Variants in CACNA1A observed in about 807,000 individuals in gnomAD.
CACNA1A encodes voltage-dependent P/Q-type calcium channel subunit alpha-1A.
CACNA1A carries 57 observed loss-of-function variants against 262.4 expected under a neutral mutation model. The observed-to-expected ratio is 0.22, with a 90% CI of 0.18 to 0.27. CACNA1A has a LOEUF of 0.27. Among genes scored for constraint, CACNA1A ranks in the 10% least tolerant of loss-of-function variants. CACNA1A has a pLI of 1.00. For missense variants in CACNA1A, 2,526 were observed against 3,562.8 expected (o/e 0.71, Z 7.41); for synonymous variants, 1,431 against 1,419.3 (o/e 1.01, Z -0.18).
intron 3 of CACNA1A, among the ~76,000 whole-genome samples, chr19:13,409,442 C>T (rs1012117000): frequency 1.3e-5 from 2 of 152,024 alleles, no homozygotes; most frequent in African/African-American, 2.4e-5. Flanking sequence ...AGTACAAATA[C>T]GCCAGGCACT....
At chr19:13,402,845 CACAT>C (rs1487765997) in intron 3 of CACNA1A, among the ~76,000 whole-genome samples, 1 of 109,018 alleles carries the variant, frequency 9.2e-6, no homozygotes, top group African/African-American at 3.5e-5. Flanking sequence ...CATATATATA[CACAT>C]ATATATATAC....
intron 3 of CACNA1A, among the ~76,000 whole-genome samples, chr19:13,423,164 T>C (rs955827842): frequency 3.3e-5 from 5 of 152,194 alleles, no homozygotes; most frequent in African/African-American, 1.2e-4. Flanking sequence ...CTTTCAGATG[T>C]CCTACCTGCT....
At chr19:13,226,767 G>C (rs1251873452) in intron 37 of CACNA1A, among the ~76,000 whole-genome samples, 1 of 152,226 alleles carries the variant, frequency 6.6e-6, no homozygotes, top group Non-Finnish European at 1.5e-5. Context: ...CCACCGTCCA[G>C]GGGTCCAGCT....
chr19:13,376,551 A>AAT lies in CACNA1A; in HGVS notation c.540-4774_540-4773dup, dbSNP rs1330034626. Among the ~76,000 whole-genome samples the AAT allele has an allele frequency of 4.7e-5, 7 of 149,404 alleles. No individual in the cohort carries two copies. The Admixed American group carries it at 4.7e-4, about 10-fold the overall frequency. On this transcript the variant is annotated intron_variant, in intron 3 of 46. Coordinates refer to ENST00000360228, the MANE Select transcript of CACNA1A (RefSeq NM_001127222.2). Reference sequence around the variant, plus strand: ...TCTACTCAGAAAAAAATATATATATAATATATAACACATAATATATGTTAT... The same window carrying AAT: ...TCTACTCAGAAAAAAATATATATATAATATATATAACACATAATATATGTTAT...
intron 16 of CACNA1A, 60 bp from the exon 17 acceptor site, chr19:13,303,673 A>G (rs1173045904): frequency 1.3e-5 from 20 of 1,576,476 alleles, no homozygotes; most frequent in Non-Finnish European, 2.6e-6. Context: ...GGCCCTGGGT[A>G]TCTGGGTCTC....
Position 13,259,658 on chromosome 19 carries a change from C to T in CACNA1A, c.4294G>A (p.Asp1432Asn). 1 of 1,610,984 alleles carries T rather than the reference C, an allele frequency of 6.2e-7. No homozygotes were observed. Among genetic ancestry groups the T allele is most frequent in the Non-Finnish European group, 8.5e-7 (1 of 1,178,598 alleles). Reference sequence around the variant, plus strand: ...AATTCATACTTCTTCCACTCCCGGTCTCGCGCCTTCACCTCATTCTTCTCG... The same window carrying T: ...AATTCATACTTCTTCCACTCCCGGTTTCGCGCCTTCACCTCATTCTTCTCG... The part of the protein sequence containing the change: ...LYEKNEVKAR[D>N]REWKKYEFHY... The change falls in exon 27 of 47, where the codon GAC becomes AAC. Residue 1432 changes from aspartate (D) to asparagine (N), a missense_variant. This residue lies in a region of CACNA1A where 137 missense variants were observed against 377.7 expected (regional missense o/e 0.36). Transcript: ENST00000360228.
At chr19:13,225,009 C>A in intron 37 of CACNA1A, 1 of 453,142 alleles carries the variant, frequency 2.2e-6, no homozygotes, top group Non-Finnish European at 4.0e-6. Flanking sequence ...TTTCCCCCAC[C>A]TGCTTGACCT....
At chr19:13,322,371 C>G (rs1028506495) in intron 10 of CACNA1A, among the ~76,000 whole-genome samples, 9 of 152,158 alleles carry the variant, frequency 5.9e-5, no homozygotes, top group Non-Finnish European at 1.3e-4. Context: ...CTAAAACCTT[C>G]TGAGGGAACG....
chr19:13,333,938 T>G, intron 8 of CACNA1A: 1 of 166,862 alleles, frequency 6.0e-6, no homozygotes, highest in East Asian at 1.6e-4. Flanking sequence ...GCTCCCTAAA[T>G]GTTTGTTAAA....
At chr19:13,353,114 T>A (rs917421305) in intron 6 of CACNA1A, among the ~76,000 whole-genome samples, 4 of 149,692 alleles carry the variant, frequency 2.7e-5, no homozygotes, top group Non-Finnish European at 4.4e-5. Context: ...CCACTCATCA[T>A]TTTTTTTGTT....
At chr19:13,346,266 C>T (rs962573956) in intron 6 of CACNA1A, among the ~76,000 whole-genome samples, 1 of 152,042 alleles carries the variant, frequency 6.6e-6, no homozygotes, top group Non-Finnish European at 1.5e-5. Context: ...TCACTCCCCA[C>T]TGGACATCTG....
chr19:13,467,637 G>C (rs1231501727), intron 1 of CACNA1A, among the ~76,000 whole-genome samples: 4 of 148,580 alleles, frequency 2.7e-5, no homozygotes, highest in Non-Finnish European at 4.4e-5. Flanking sequence ...CAGAGTCTCA[G>C]TCTGTCGCCC....
At chr19:13,424,711 G>A (rs1462580192) in intron 3 of CACNA1A, among the ~76,000 whole-genome samples, 1 of 152,110 alleles carries the variant, frequency 6.6e-6, no homozygotes, top group African/African-American at 2.4e-5. Flanking sequence ...ATGGCCTCAA[G>A]TGATCCCTCC....
chr19:13,302,849 G>T (rs1382663884), intron 17 of CACNA1A, among the ~76,000 whole-genome samples: 4 of 152,242 alleles, frequency 2.6e-5, no homozygotes, highest in African/African-American at 9.6e-5. Context: ...GGCAACGTCT[G>T]CTTGGTTTGG....
At chr19:13,458,147 T>C (rs375981874) in intron 1 of CACNA1A, among the ~76,000 whole-genome samples, 8 of 152,200 alleles carry the variant, frequency 5.3e-5, no homozygotes, top group Admixed American at 4.6e-4. Context: ...TCCTTTCTTT[T>C]CTTATTTATT....
chr19:13,467,472 C>T (rs1468085392), intron 1 of CACNA1A, among the ~76,000 whole-genome samples: 1 of 151,952 alleles, frequency 6.6e-6, no homozygotes, highest in Non-Finnish European at 1.5e-5. Flanking sequence ...CACAGTGAGA[C>T]CCTATCTTTT....
chr19:13,346,633 T>C lies in CACNA1A; in HGVS notation c.979-10724A>G, dbSNP rs2058771101. ...TTAATTGATTATATATATATATATATATATATATATATATATATATATATA... is the reference window on the plus strand; with the variant it reads ...TTAATTGATTATATATATATATATACATATATATATATATATATATATATA... On this transcript the variant is annotated intron_variant, in intron 6 of 46. Coordinates refer to ENST00000360228, the MANE Select transcript of CACNA1A (RefSeq NM_001127222.2). 5.7e-4 allele frequency among the ~76,000 whole-genome samples: 2 copies of C among 3,488 alleles called. 1 individual carries two copies. Among genetic ancestry groups the C allele is most frequent in the African/African-American group, 2.0e-3 (2 of 1,004 alleles). The allele number at this position is 3,488 out of a possible 152,430, so 2.3% of individuals were successfully genotyped here.
chr19:13,476,332 A>G (rs1162541910), intron 1 of CACNA1A, among the ~76,000 whole-genome samples: 1 of 152,166 alleles, frequency 6.6e-6, no homozygotes, highest in East Asian at 1.9e-4. Context: ...TGAGAATTCT[A>G]CACAGCCAGG....
chr19:13,277,273 A>ACGCC, intron 22 of CACNA1A, 145 bp from the exon 23 acceptor site: 1 of 596,946 alleles, frequency 1.7e-6, no homozygotes, highest in Non-Finnish European at 3.1e-6. Flanking sequence ...CAGGGCGTGC[A>ACGCC]CTGCACAAGG....
Sources: allele counts gnomAD v4.1 joint callset (sites outside exome capture counted in the v4.1 genomes callset), GRCh38; gene constraint gnomAD v4.1.1; regional missense constraint gnomAD v4.1.1; transcripts MANE v1.5; gene names NCBI Gene and HGNC (gene_info 2026-07-23, HGNC 2026-07-21).